The following TMEM170B variants were observed in gnomAD, a reference collection of about 807,000 sequenced individuals.
The protein encoded by TMEM170B is transmembrane protein 170B.
Under a neutral mutation model 13.0 loss-of-function variants are expected in TMEM170B, and 6 were observed. The ratio of observed to expected loss-of-function variants is 0.46; its 90% CI spans 0.25 to 0.91. TMEM170B has a LOEUF of 0.91. TMEM170B is among the 40% of genes least tolerant of loss of function. The probability of loss-of-function intolerance (pLI) is 0.17; values close to 1 mark genes in which losing one functional copy is unlikely to be tolerated. For synonymous variants in TMEM170B, 61 were observed against 64.9 expected (o/e 0.94, Z 0.29); for missense variants, 138 against 165.2 (o/e 0.84, Z 0.90).
At chr6:11,573,952 G>A (rs750469105) in intron 2 of TMEM170B, among the ~76,000 whole-genome samples, 3 of 152,156 alleles carry the variant, frequency 2.0e-5, no homozygotes, top group Admixed American at 6.6e-5. Context: ...TTAAGTAAAT[G>A]TTGGTGCTAC....
chr6:11,579,873 C>A lies in TMEM170B; in HGVS notation c.*4312C>A, dbSNP rs1759929188. On this transcript the variant is annotated 3_prime_UTR_variant, in exon 3 of 3. Coordinates refer to ENST00000379426, the MANE Select transcript of TMEM170B (RefSeq NM_001100829.3). The stretch of plus-strand genomic sequence containing the variant: ...TATAACCCTTCAGTCTTCTATATGT[C>A]TGTTTCTTCTGCCGGCCCTGGGCCC... 1 of 152,204 alleles carries A rather than the reference C, an allele frequency of 6.6e-6. No homozygotes were observed. Among genetic ancestry groups the A allele is most frequent in the Non-Finnish European group, 1.5e-5 (1 of 68,040 alleles). The allele number at this position is 152,204 out of a possible 1,614,324, so 9.4% of individuals were successfully genotyped here.
rs775170809 is a variant in TMEM170B at position 11,538,271 on chromosome 6, G to A, written c.-7G>A. 7.4e-7 allele frequency: 1 copy of A among 1,356,806 alleles called. No homozygotes were observed. The highest frequency in any genetic ancestry group is 1.9e-5 in the South Asian group (1 of 53,442). The allele number at this position is 1,356,806 out of a possible 1,614,324, so 84.0% of individuals were successfully genotyped here. ...GAGGAGAGGGCGGCGGGCGCCCCTCGGGGAAGATGAAGGCGGAGGGGGGCG... is the reference window on the plus strand; with the variant it reads ...GAGGAGAGGGCGGCGGGCGCCCCTCAGGGAAGATGAAGGCGGAGGGGGGCG... On this transcript the variant is annotated 5_prime_UTR_variant, in exon 1 of 3. Transcript: ENST00000379426.
intron 1 of TMEM170B, among the ~76,000 whole-genome samples, chr6:11,544,956 T>C (rs889315208): frequency 6.6e-6 from 1 of 152,212 alleles, no homozygotes; most frequent in African/African-American, 2.4e-5. Context: ...AATGTTTTTT[T>C]TTTGGCTTTA....
Position 11,538,228 on chromosome 6 carries a change from C to G in TMEM170B, c.-50C>G, listed in dbSNP as rs1236107078. The G allele has an allele frequency of 1.8e-6, 2 of 1,084,262 alleles. No individual in the cohort carries two copies. Among genetic ancestry groups the G allele is most frequent in the East Asian group, 7.6e-5 (2 of 26,246 alleles). 67.2% of individuals were successfully genotyped at this position (1,084,262 alleles called of 1,614,324 possible). A position where few individuals can be genotyped will look rare whatever the true frequency, so the allele number is the denominator to read the frequency against. Reference sequence around the variant, plus strand: ...GCCGCCCCCCGAGCCTCGCAGCCGCCGCCGCCGCCCGGCACCCGAGGAGAG... The same window carrying G: ...GCCGCCCCCCGAGCCTCGCAGCCGCGGCCGCCGCCCGGCACCCGAGGAGAG... On this transcript the variant is annotated 5_prime_UTR_variant, in exon 1 of 3. Coordinates refer to ENST00000379426, the MANE Select transcript of TMEM170B (RefSeq NM_001100829.3).
chr6:11,548,269 A>G (rs13213717), intron 1 of TMEM170B, among the ~76,000 whole-genome samples: 5,070 of 152,334 alleles, frequency 0.033, 111 homozygotes, highest in Non-Finnish European at 0.043. Context: ...GGCAAAGGAT[A>G]TGAACAGACA....
chr6:11,551,724 T>C (rs1017581311), intron 1 of TMEM170B, among the ~76,000 whole-genome samples: 2 of 152,132 alleles, frequency 1.3e-5, no homozygotes, highest in African/African-American at 4.8e-5. Context: ...ATTAAGTAAT[T>C]CTTTTGTGGC....
rs1762426560 is a variant in TMEM170B, at chr6:11,538,152, G to A, written c.-126G>A. The stretch of plus-strand genomic sequence containing the variant: ...CAGCAGCAGCAGCGCCCGGCCCGGC[G>A]TCCCGCAGCCTCCACCAGCGGCGGC... On this transcript the variant is annotated 5_prime_UTR_variant, in exon 1 of 3. Transcript: ENST00000379426. 4.7e-6 allele frequency: 1 copy of A among 212,026 alleles called. No individual in the cohort carries two copies. The highest frequency in any genetic ancestry group is 8.5e-6 in the Non-Finnish European group (1 of 118,086). The allele number at this position is 212,026 out of a possible 1,614,324, so 13.1% of individuals were successfully genotyped here. A position where few individuals can be genotyped will look rare whatever the true frequency, so the allele number is the denominator to read the frequency against.
At chr6:11,563,244 G>C (rs1421884025) in intron 1 of TMEM170B, among the ~76,000 whole-genome samples, 1 of 152,148 alleles carries the variant, frequency 6.6e-6, no homozygotes, top group Non-Finnish European at 1.5e-5. Context: ...GCTGAGGCAG[G>C]AGAATCGCTT....
rs1759985027 is a variant in TMEM170B, at chr6:11,583,509, G to C, written c.*7948G>C. On this transcript the variant is annotated 3_prime_UTR_variant, in exon 3 of 3. Transcript: ENST00000379426. ...CATGCACTTATATATAAATAAACCTGTCTTTGAAAGCTTTATGGGGTGTTT... is the reference window on the plus strand; with the variant it reads ...CATGCACTTATATATAAATAAACCTCTCTTTGAAAGCTTTATGGGGTGTTT... 6.6e-6 allele frequency: 1 copy of C among 152,086 alleles called. No homozygotes were observed. Among genetic ancestry groups the C allele is most frequent in the Admixed American group, 6.5e-5 (1 of 15,280 alleles). 9.4% of individuals were successfully genotyped at this position (152,086 alleles called of 1,614,324 possible). A position where few individuals can be genotyped will look rare whatever the true frequency, so the allele number is the denominator to read the frequency against.
At chr6:11,541,741 G>A (rs59036599) in intron 1 of TMEM170B, among the ~76,000 whole-genome samples, 8,420 of 152,214 alleles carry the variant, frequency 0.055, 348 homozygotes, top group African/African-American at 0.11. Flanking sequence ...TCCTCATTAA[G>A]CTTTATCATC....
At chr6:11,554,468 T>C (rs1759563430) in intron 1 of TMEM170B, among the ~76,000 whole-genome samples, 1 of 152,014 alleles carries the variant, frequency 6.6e-6, no homozygotes, top group African/African-American at 2.4e-5. Flanking sequence ...TAATCAGTTA[T>C]GGGGAAGAAC....
intron 1 of TMEM170B, among the ~76,000 whole-genome samples, chr6:11,540,357 C>G (rs477973): frequency 0.95 from 144,472 of 152,292 alleles, 69,007 homozygotes; most frequent in East Asian, 1. Flanking sequence ...CCGAGTTTAT[C>G]TAATAGTCTA....
At chr6:11,541,068 T>G (rs1263876925) in intron 1 of TMEM170B, among the ~76,000 whole-genome samples, 1 of 152,204 alleles carries the variant, frequency 6.6e-6, no homozygotes, top group South Asian at 2.1e-4. Flanking sequence ...CTTTTTTGTT[T>G]CATTTATAGA....
At chr6:11,553,262 A>G (rs1394071579) in intron 1 of TMEM170B, among the ~76,000 whole-genome samples, 1 of 152,196 alleles carries the variant, frequency 6.6e-6, no homozygotes, top group Admixed American at 6.5e-5. Flanking sequence ...ATCCACATGT[A>G]TGTTGGACCC....
At chr6:11,551,850 C>T (rs1759529474) in intron 1 of TMEM170B, among the ~76,000 whole-genome samples, 1 of 152,102 alleles carries the variant, frequency 6.6e-6, no homozygotes, top group African/African-American at 2.4e-5. Flanking sequence ...GGTGAACTGC[C>T]TATGGGTTGG....
Position 11,582,785 on chromosome 6 carries a change from T to C in TMEM170B, c.*7224T>C, listed in dbSNP as rs1759973672. On this transcript the variant is annotated 3_prime_UTR_variant, in exon 3 of 3. Transcript: ENST00000379426. ...GACAGGAGAATAAATGTTGGAGGGG[T>C]AATACACAAAAACAAAGGCATATTT... The C allele has an allele frequency of 6.6e-6, 1 of 152,092 alleles. No homozygotes were observed. Among genetic ancestry groups the C allele is most frequent in the Non-Finnish European group, 1.5e-5 (1 of 67,982 alleles). The allele number at this position is 152,092 out of a possible 1,614,324, so 9.4% of individuals were successfully genotyped here. A position where few individuals can be genotyped will look rare whatever the true frequency, so the allele number is the denominator to read the frequency against.
intron 2 of TMEM170B, among the ~76,000 whole-genome samples, chr6:11,567,379 A>G (rs777555507): frequency 1.3e-5 from 2 of 151,896 alleles, no homozygotes; most frequent in African/African-American, 2.4e-5. Flanking sequence ...CTGTTTTGGG[A>G]CTCTCTGACA....
At chr6:11,556,553 T>C (rs1383222047) in intron 1 of TMEM170B, among the ~76,000 whole-genome samples, 3 of 152,160 alleles carry the variant, frequency 2.0e-5, no homozygotes, top group African/African-American at 7.2e-5. Context: ...TTAGGCATGC[T>C]CTGTGTATGG....
In TMEM170B at chr6:11,552,120, A is replaced by G. The variant is rs138432916; in HGVS notation, c.98-13546A>G. 1.2e-3 allele frequency among the ~76,000 whole-genome samples: 188 copies of G among 152,120 alleles called. 3 individuals are homozygous for G. In the East Asian group the frequency reaches 0.026, roughly 21 times the overall value. On this transcript the variant is annotated intron_variant, in intron 1 of 2. Transcript: ENST00000379426. ...GCCTAGGATGCTGCCTTGTAAACCA[A>G]CTCTTCAGGAGATTTTGTTATTGAG...
Sources: allele counts gnomAD v4.1 joint callset (sites outside exome capture counted in the v4.1 genomes callset), GRCh38; gene constraint gnomAD v4.1.1; transcripts MANE v1.5; gene names NCBI Gene and HGNC (gene_info 2026-07-23, HGNC 2026-07-21).